The following F13A1 variants were observed in gnomAD, a reference collection of about 807,000 sequenced individuals.
F13A1 encodes the protein coagulation factor XIII A chain, also known as FSF, A subunit.
F13A1 carries 47 observed loss-of-function variants against 80.1 expected under a neutral mutation model. That is an observed-to-expected ratio of 0.59 (90% CI 0.46 to 0.75). The LOEUF (loss-of-function observed/expected upper bound fraction) is 0.75. F13A1 is among the 30% of genes least tolerant of loss of function. F13A1 has a pLI of 0.00. For synonymous variants in F13A1, 349 were observed against 344.9 expected, an observed-to-expected ratio of 1.01 and a Z score of -0.13; for missense variants, 817 against 930.4, an observed-to-expected ratio of 0.88 and a Z score of 1.59.
intron 12 of F13A1, among the ~76,000 whole-genome samples, chr6:6,172,448 A>G (rs1760792498): frequency 1.3e-5 from 1 of 79,464 alleles, no homozygotes; most frequent in Non-Finnish European, 2.3e-5. Flanking sequence ...AAAACACTAT[A>G]GTGTTTTTTT....
At chr6:6,217,056 A>G (rs1252286422) in intron 8 of F13A1, among the ~76,000 whole-genome samples, 5 of 142,000 alleles carry the variant, frequency 3.5e-5, no homozygotes, top group African/African-American at 1.4e-4. Flanking sequence ...GTGGAGAAAT[A>G]GGAACACTTT....
chr6:6,161,867 G>A (rs1760582165), intron 13 of F13A1, among the ~76,000 whole-genome samples: 1 of 152,136 alleles, frequency 6.6e-6, no homozygotes, highest in African/African-American at 2.4e-5. Context: ...CAAACAGGAA[G>A]CCACTGGCCT....
intron 8 of F13A1, among the ~76,000 whole-genome samples, chr6:6,214,713 A>T (rs1761688061): frequency 1.2e-5 from 1 of 85,516 alleles, no homozygotes; most frequent in Non-Finnish European, 2.2e-5. Context: ...GACACAAAAA[A>T]CCCTTCAAAA....
chr6:6,282,403 C>A (rs749887432), intron 3 of F13A1, among the ~76,000 whole-genome samples: 1 of 151,924 alleles, frequency 6.6e-6, no homozygotes, highest in African/African-American at 2.4e-5. Context: ...TTTAAGTAAC[C>A]TATTTAATTA....
At chr6:6,178,044 A>AGGGG (rs60016287) in intron 11 of F13A1, among the ~76,000 whole-genome samples, 1 of 96,092 alleles carries the variant, frequency 1.0e-5, no homozygotes, top group Admixed American at 1.2e-4. Flanking sequence ...CCACAGGGAG[A>AGGGG]GGGGGGGGGG....
At chr6:6,255,456 T>C (rs1295932102) in intron 4 of F13A1, among the ~76,000 whole-genome samples, 1 of 152,138 alleles carries the variant, frequency 6.6e-6, no homozygotes, top group Non-Finnish European at 1.5e-5. Flanking sequence ...GCCTTCTAAG[T>C]AGTCCATGGC....
intron 10 of F13A1, among the ~76,000 whole-genome samples, chr6:6,190,502 C>T (rs1485121679): frequency 6.7e-6 from 1 of 150,020 alleles, no homozygotes; most frequent in Non-Finnish European, 1.5e-5. Context: ...GTCAGTGTTC[C>T]CCTGCTGGGG....
chr6:6,231,361 C>T (rs1416851567), intron 6 of F13A1, among the ~76,000 whole-genome samples: 1 of 151,910 alleles, frequency 6.6e-6, no homozygotes, highest in African/African-American at 2.4e-5. Context: ...TGAATTAACC[C>T]AGTCCAAAAA....
chr6:6,266,758 G>T lies in F13A1; in HGVS notation c.371C>A (p.Ser124Ter). The T allele has an allele frequency of 6.2e-7, 1 of 1,614,182 alleles. No individual in the cohort carries two copies. Among genetic ancestry groups the T allele is most frequent in the African/African-American group, 1.3e-5 (1 of 75,038 alleles). ...CCCCCACTTTCCACTTTGTAACTCT[G>T]AGACTATAGGCACTGGGATGTAGGT... Reference protein sequence around the residue: ...KGTYIPVPIVSELQSGKWGAK... With the variant: ...KGTYIPVPIV Residue 124 changes from serine (S) to a stop codon, truncating the protein, a stop_gained, in exon 4 of 15, where the codon TCA becomes TAA. Transcript: ENST00000264870. LOFTEE classifies it high-confidence loss of function.
chr6:6,154,464 G>C (rs1871970), intron 13 of F13A1, among the ~76,000 whole-genome samples: 12 of 152,140 alleles, frequency 7.9e-5, no homozygotes, highest in African/African-American at 2.9e-4. Flanking sequence ...TCCTGTGCCA[G>C]GTACGATGTT....
At chr6:6,286,191 G>T (rs1192183990) in intron 3 of F13A1, among the ~76,000 whole-genome samples, 1 of 152,202 alleles carries the variant, frequency 6.6e-6, no homozygotes, top group Non-Finnish European at 1.5e-5. Context: ...TTTGAGACCA[G>T]CCTGGTCAAC....
intron 10 of F13A1, among the ~76,000 whole-genome samples, chr6:6,186,640 T>G (rs540954514): frequency 2.0e-5 from 3 of 152,342 alleles, no homozygotes; most frequent in Non-Finnish European, 4.4e-5. Context: ...GTAGTATAGT[T>G]TGAAGTCAGG....
At chr6:6,185,277 C>A (rs1432321190) in intron 10 of F13A1, among the ~76,000 whole-genome samples, 4 of 118,136 alleles carry the variant, frequency 3.4e-5, no homozygotes, top group African/African-American at 6.4e-5. Context: ...CTATCCCTCC[C>A]CCCTCCCCCC....
intron 14 of F13A1, among the ~76,000 whole-genome samples, chr6:6,150,580 C>T (rs1044686944): frequency 1.3e-5 from 2 of 152,274 alleles, no homozygotes; most frequent in East Asian, 3.9e-4. Flanking sequence ...ATAAGTGAGG[C>T]CTTGCATTTA....
intron 13 of F13A1, among the ~76,000 whole-genome samples, chr6:6,156,229 C>T (rs1010686087): frequency 6.6e-6 from 1 of 152,176 alleles, no homozygotes; most frequent in African/African-American, 2.4e-5. Context: ...TATTGACATT[C>T]CTGTCCTTTA....
At chr6:6,268,421 C>T (rs1259363223) in intron 3 of F13A1, among the ~76,000 whole-genome samples, 2 of 152,116 alleles carry the variant, frequency 1.3e-5, no homozygotes, top group African/African-American at 2.4e-5. Context: ...GATTTGAACC[C>T]AGACCATCTG....
rs1285216737 is a variant in F13A1, at chr6:6,305,454, G to T, written c.216C>A (p.Asn72Lys). 1 of 1,614,192 alleles carries T rather than the reference G, an allele frequency of 6.2e-7. No individual in the cohort carries two copies. The highest frequency in any genetic ancestry group is 2.2e-5 in the East Asian group (1 of 44,886). The change falls in exon 3 of 15, where the codon AAC becomes AAA. Residue 72 changes from asparagine (N) to lysine (K), a missense_variant. Coordinates refer to ENST00000264870, the MANE Select transcript of F13A1 (RefSeq NM_000129.4). ...KVDHHTDKYENNKLIVRRGQS... is the reference protein window; with the variant it reads ...KVDHHTDKYEKNKLIVRRGQS... Reference sequence around the variant, plus strand: ...GCCCTCTGCGGACAATCAGCTTGTTGTTTTCATACTTGTCAGTGTGGTGGT... The same window carrying T: ...GCCCTCTGCGGACAATCAGCTTGTTTTTTTCATACTTGTCAGTGTGGTGGT...
chr6:6,164,761 CT>C (rs1760636444), intron 13 of F13A1, among the ~76,000 whole-genome samples: 1 of 149,156 alleles, frequency 6.7e-6, no homozygotes, highest in African/African-American at 2.5e-5. Flanking sequence ...TCCTCTCCAT[CT>C]TCCCCTCCCC....
At chr6:6,150,974 T>C (rs1248861689) in intron 14 of F13A1, among the ~76,000 whole-genome samples, 1 of 152,152 alleles carries the variant, frequency 6.6e-6, no homozygotes, top group Non-Finnish European at 1.5e-5. Context: ...TTGCAAACCA[T>C]CAGATGGAAA....
Sources: gnomAD v4.1 joint callset for allele counts (sites outside exome capture counted in the v4.1 genomes callset) on GRCh38, gnomAD v4.1.1 for gene constraint, MANE v1.5 for transcripts, NCBI Gene and HGNC (gene_info 2026-07-23, HGNC 2026-07-21) for gene names.